Variants in COTL1 observed in about 807,000 individuals in gnomAD.
COTL1 encodes coactosin like F-actin binding protein 1.
COTL1 carries 15 observed loss-of-function variants against 16.5 expected under a neutral mutation model. That is an observed-to-expected ratio of 0.91 (90% CI 0.61 to 1.40). The LOEUF (loss-of-function observed/expected upper bound fraction) is 1.40. Ranked by LOEUF, COTL1 falls within the 40% of genes most tolerant of loss-of-function variation. The pLI is 0.00. For synonymous variants in COTL1, 112 were observed against 85.3 expected (o/e 1.31, Z -1.73); for missense variants, 220 against 201.5 (o/e 1.09, Z -0.56).
intron 3 of COTL1, among the ~76,000 whole-genome samples, chr16:84,582,098 G>C (rs757679667): frequency 1.4e-5 from 2 of 145,902 alleles, no homozygotes; most frequent in African/African-American, 2.5e-5. Flanking sequence ...AGCAATTCTC[G>C]TGCCTCAGCC....
chr16:84,586,012 G>C (rs1904723261), intron 3 of COTL1, among the ~76,000 whole-genome samples: 1 of 152,090 alleles, frequency 6.6e-6, no homozygotes. Flanking sequence ...CTGCCCAAAG[G>C]CGTGTGCACG....
At chr16:84,604,462 T>C (rs1372113229) in intron 2 of COTL1, among the ~76,000 whole-genome samples, 1 of 151,716 alleles carries the variant, frequency 6.6e-6, no homozygotes, top group Non-Finnish European at 1.5e-5. Context: ...AAAGTGGACA[T>C]TTCAGTGGGT....
chr16:84,589,563 G>T (rs953970605), intron 3 of COTL1, among the ~76,000 whole-genome samples: 3 of 151,900 alleles, frequency 2.0e-5, no homozygotes, highest in Admixed American at 2.0e-4. Context: ...CTACCCCGGG[G>T]TTACCTTTTG....
intron 2 of COTL1, among the ~76,000 whole-genome samples, chr16:84,606,306 G>A (rs1308289938): frequency 6.6e-6 from 1 of 152,218 alleles, no homozygotes. Flanking sequence ...TGGGCCACTG[G>A]GCTGTTACTT....
intron 3 of COTL1, among the ~76,000 whole-genome samples, chr16:84,577,307 C>T (rs1485126090): frequency 6.6e-6 from 1 of 152,170 alleles, no homozygotes; most frequent in East Asian, 1.9e-4. Flanking sequence ...TACAGTGGTA[C>T]CATCTCGGCT....
At chr16:84,584,250 T>C (rs150546976) in intron 3 of COTL1, among the ~76,000 whole-genome samples, 1,652 of 152,378 alleles carry the variant, frequency 0.011, 34 homozygotes, top group African/African-American at 0.038. Flanking sequence ...CTGCCCAGCT[T>C]GCCTGGCAGC....
At chr16:84,612,315 C>CATCA (rs1293422062) in intron 2 of COTL1, among the ~76,000 whole-genome samples, 1 of 152,142 alleles carries the variant, frequency 6.6e-6, no homozygotes, top group African/African-American at 2.4e-5. Context: ...AAGCACCTCT[C>CATCA]ATCATGCTCC....
At chr16:84,588,921 CTG>C (rs1904796296) in intron 3 of COTL1, among the ~76,000 whole-genome samples, 1 of 152,102 alleles carries the variant, frequency 6.6e-6, no homozygotes, top group African/African-American at 2.4e-5. Flanking sequence ...AAAAGAAACC[CTG>C]TGTCTTTAGC....
intron 3 of COTL1, among the ~76,000 whole-genome samples, chr16:84,586,119 C>A (rs541678050): frequency 1.1e-3 from 166 of 152,300 alleles, no homozygotes; most frequent in African/African-American, 3.8e-3. Context: ...GAGGGACCAC[C>A]ATAGCATGGA....
chr16:84,617,989 G>A lies in COTL1; in HGVS notation c.-75C>T, dbSNP rs565448013. 5.4e-6 allele frequency: 6 copies of A among 1,110,912 alleles called. No homozygotes were observed. Among genetic ancestry groups the A allele is most frequent in the South Asian group, 2.2e-5 (1 of 46,378 alleles). The allele number at this position is 1,110,912 out of a possible 1,614,324, so 68.8% of individuals were successfully genotyped here. On this transcript the variant is annotated 5_prime_UTR_variant, in exon 1 of 4. Coordinates refer to ENST00000262428, the MANE Select transcript of COTL1 (RefSeq NM_021149.5). Reference sequence around the variant, plus strand: ...TGGCCGGCGGCGGGGATGGGAGCGCGGCGGGTACGCGCCGAGGGCGCACGG... The same window carrying A: ...TGGCCGGCGGCGGGGATGGGAGCGCAGCGGGTACGCGCCGAGGGCGCACGG...
rs1391225220 is a variant in COTL1 at position 84,566,754 on chromosome 16, G to T, written c.*91C>A. ...CTCATGGCTTCTTTTCTCCCTGGTGGGCTGGTGGGCTAGTAGCTGAGGCCG... is the reference window on the plus strand; with the variant it reads ...CTCATGGCTTCTTTTCTCCCTGGTGTGCTGGTGGGCTAGTAGCTGAGGCCG... On this transcript the variant is annotated 3_prime_UTR_variant, in exon 4 of 4. Coordinates refer to ENST00000262428, the MANE Select transcript of COTL1 (RefSeq NM_021149.5). 10 of 815,700 alleles carry T rather than the reference G, an allele frequency of 1.2e-5. No individual in the cohort carries two copies. Among genetic ancestry groups the T allele is most frequent in the Admixed American group, 8.4e-5 (4 of 47,590 alleles). The allele number at this position is 815,700 out of a possible 1,614,324, so 50.5% of individuals were successfully genotyped here. A position where few individuals can be genotyped will look rare whatever the true frequency, so the allele number is the denominator to read the frequency against.
In COTL1 at chr16:84,608,173, T is replaced by C. The variant is rs1244381817; in HGVS notation, c.160+9328A>G. 2.6e-5 allele frequency among the ~76,000 whole-genome samples: 4 copies of C among 152,070 alleles called. 1 individual carries two copies. The highest frequency in any genetic ancestry group is 2.0e-4 in the Admixed American group (3 of 15,276). On this transcript the variant is annotated intron_variant, in intron 2 of 3. Coordinates refer to ENST00000262428, the MANE Select transcript of COTL1 (RefSeq NM_021149.5). ...CTCTGGGTGTGGGTGGGCACCAGAATGAAATGGGGTAAAGAAAGGATGGGA... is the reference window on the plus strand; with the variant it reads ...CTCTGGGTGTGGGTGGGCACCAGAACGAAATGGGGTAAAGAAAGGATGGGA...
At chr16:84,614,227 G>A (rs1192289330) in intron 2 of COTL1, among the ~76,000 whole-genome samples, 1 of 152,240 alleles carries the variant, frequency 6.6e-6, no homozygotes, top group African/African-American at 2.4e-5. Flanking sequence ...CTGAGCTATG[G>A]AGCAAGAAGC....
At chr16:84,573,764 T>TATATATAC (rs1904387091) in intron 3 of COTL1, among the ~76,000 whole-genome samples, 1 of 80,040 alleles carries the variant, frequency 1.2e-5, no homozygotes, top group Non-Finnish European at 2.8e-5. Flanking sequence ...TATATATATA[T>TATATATAC]ACATACACAC....
Position 84,617,552 on chromosome 16 carries a change from C to T in COTL1, c.109G>A (p.Val37Ile), listed in dbSNP as rs201009101. 138 of 1,558,572 alleles carry T rather than the reference C, an allele frequency of 8.9e-5. No individual in the cohort carries two copies. In the East Asian group the frequency reaches 1.9e-3, roughly 22 times the overall value. ...VTFKYDGSTIVPGEQGAEYQH... is the reference protein window; with the variant it reads ...VTFKYDGSTIIPGEQGAEYQH... ...TACTCCGCTCCCTGCTCGCCGGGGA[C>T]GATGGTGGAGCCGTCATATTTAAAA... Residue 37 changes from valine to isoleucine, a missense_variant, in exon 2 of 4, where the codon GTC (valine) becomes ATC (isoleucine). Transcript: ENST00000262428.
chr16:84,614,018 C>A (rs1278381844), intron 2 of COTL1, among the ~76,000 whole-genome samples: 2 of 152,194 alleles, frequency 1.3e-5, no homozygotes, highest in Non-Finnish European at 2.9e-5. Flanking sequence ...CTCCCCCCTC[C>A]CCGCAAGAAT....
chr16:84,593,669 GC>G (rs1251546296), intron 2 of COTL1, among the ~76,000 whole-genome samples: 1 of 151,934 alleles, frequency 6.6e-6, no homozygotes, highest in African/African-American at 2.4e-5. Flanking sequence ...CCGCCACCAC[GC>G]CCGGCTAATT....
In COTL1 at chr16:84,594,218, C is replaced by T. The variant is rs188005579; in HGVS notation, c.161-3956G>A. ...ATCCTTCCAAAATGGGGTGATTTCA[C>T]GCCTCCCTTATCAGTTGACCATGAT... is the stretch of plus-strand genomic sequence containing the variant. On this transcript the variant is annotated intron_variant, in intron 2 of 3. Coordinates refer to ENST00000262428, the MANE Select transcript of COTL1 (RefSeq NM_021149.5). Among the ~76,000 whole-genome samples the T allele has an allele frequency of 2.7e-3, 408 of 149,500 alleles. 1 individual carries two copies. The highest frequency in any genetic ancestry group is 0.011 in the Middle Eastern group (3 of 276).
At chr16:84,580,371 C>T (rs141547320) in intron 3 of COTL1, among the ~76,000 whole-genome samples, 10 of 152,274 alleles carry the variant, frequency 6.6e-5, no homozygotes, top group African/African-American at 2.2e-4. Context: ...CTCAGCCTCC[C>T]GAGTAGCTTG....
Sources: allele counts gnomAD v4.1 joint callset (sites outside exome capture counted in the v4.1 genomes callset), GRCh38; gene constraint gnomAD v4.1.1; transcripts MANE v1.5; gene names NCBI Gene and HGNC (gene_info 2026-07-23, HGNC 2026-07-21).